The following DGLUCY variants were observed in gnomAD, a reference collection of about 807,000 sequenced individuals.
DGLUCY encodes the protein D-glutamate cyclase, also known as D-glutamate cyclase, mitochondrial.
In DGLUCY, 58 loss-of-function variants were observed where a neutral mutation model predicts 58.5. That is an observed-to-expected ratio of 0.99 (90% CI 0.80 to 1.23). The LOEUF is 1.23. Among genes scored for constraint, DGLUCY ranks in the 50% most tolerant of loss-of-function variants. The probability of loss-of-function intolerance (pLI) is 0.00; values close to 1 mark genes in which losing one functional copy is unlikely to be tolerated. For synonymous variants in DGLUCY, 325 were observed against 314.1 expected (o/e 1.03, Z -0.37); for missense variants, 779 against 784.7 (o/e 0.99, Z 0.09).
intron 4 of DGLUCY, chr14:91,167,779 TA>T: frequency 1.6e-6 from 1 of 643,660 alleles, no homozygotes; most frequent in South Asian, 1.8e-5. Context: ...AGAACCTATC[TA>T]GTAAATGGCC....
At chr14:91,189,607 T>C (rs2049740693) in intron 9 of DGLUCY, among the ~76,000 whole-genome samples, 2 of 152,200 alleles carry the variant, frequency 1.3e-5, no homozygotes, top group African/African-American at 4.8e-5. Flanking sequence ...GTGGGCGTTA[T>C]TGCTGTAGGT....
chr14:91,111,240 GTGTGTGTGTATA>G (rs1427442348), upstream of DGLUCY, among the ~76,000 whole-genome samples: 2 of 108,022 alleles, frequency 1.9e-5, no homozygotes, highest in African/African-American at 4.0e-5. Flanking sequence ...GTGTGTGTGT[GTGTGTGTGTATA>G]TATCTATATA....
In DGLUCY at chr14:91,204,733, G is replaced by A. The variant is rs1884242396; in HGVS notation, c.1472G>A (p.Gly491Glu). ...GTCGGTGATGGAGGCAACGAGCTTG[G>A]GATGGGTAAAGTCAAGGAGGCTGTG... ...TGVGDGGNELGMGKVKEAVRR... is the reference protein window; with the variant it reads ...TGVGDGGNELEMGKVKEAVRR... Residue 491 changes from glycine (G) to glutamate (E), a missense_variant, in exon 12 of 14, where the codon GGG becomes GAG. Transcript: ENST00000256324. 1.2e-6 allele frequency: 2 copies of A among 1,613,962 alleles called. No homozygotes were observed. Among genetic ancestry groups the A allele is most frequent in the Non-Finnish European group, 1.7e-6 (2 of 1,180,002 alleles).
intron 7 of DGLUCY, among the ~76,000 whole-genome samples, chr14:91,180,400 T>G (rs2049104239): frequency 6.6e-6 from 1 of 151,230 alleles, no homozygotes; most frequent in Non-Finnish European, 1.5e-5. Flanking sequence ...GGTAAAACAC[T>G]GTCTCTACTA....
intron 5 of DGLUCY, among the ~76,000 whole-genome samples, chr14:91,170,812 C>T (rs1201585944): frequency 6.6e-6 from 1 of 152,240 alleles, no homozygotes; most frequent in Admixed American, 6.5e-5. Flanking sequence ...TGAGAGTTCA[C>T]TCTGCTCCAT....
intron 1 of DGLUCY, among the ~76,000 whole-genome samples, chr14:91,087,478 G>C (rs1454060804): frequency 6.6e-6 from 1 of 152,210 alleles, no homozygotes; most frequent in African/African-American, 2.4e-5. Context: ...AGAAATCAAT[G>C]TACTTTATGT....
At chr14:91,118,641 T>C (rs2045153805) in intron 1 of DGLUCY, among the ~76,000 whole-genome samples, 1 of 152,204 alleles carries the variant, frequency 6.6e-6, no homozygotes, top group African/African-American at 2.4e-5. Context: ...ATGTTAATGC[T>C]GGTCAGTTGT....
intron 7 of DGLUCY, among the ~76,000 whole-genome samples, chr14:91,179,596 C>T (rs1215445536): frequency 6.6e-6 from 1 of 151,862 alleles, no homozygotes; most frequent in Non-Finnish European, 1.5e-5. Flanking sequence ...ACTAAAAATA[C>T]AAAAATTAGC....
chr14:91,142,256 T>C (rs2046740129), intron 1 of DGLUCY, among the ~76,000 whole-genome samples: 1 of 152,138 alleles, frequency 6.6e-6, no homozygotes, highest in South Asian at 2.1e-4. Context: ...TACCCAAGGT[T>C]TACAATCATT....
intron 1 of DGLUCY, among the ~76,000 whole-genome samples, chr14:91,151,274 C>T (rs1381142827): frequency 6.6e-6 from 1 of 152,240 alleles, no homozygotes; most frequent in Admixed American, 6.5e-5. Flanking sequence ...GAGTCTCGCT[C>T]TGTCGCCCAG....
intron 1 of DGLUCY, among the ~76,000 whole-genome samples, chr14:91,078,631 G>A (rs974442933): frequency 9.9e-5 from 15 of 152,120 alleles, no homozygotes; most frequent in African/African-American, 2.9e-4. Context: ...AGAAAATAGC[G>A]TAGTCTTGTA....
chr14:91,222,014 G>T (rs1022263775), intron 13 of DGLUCY, among the ~76,000 whole-genome samples: 10 of 152,036 alleles, frequency 6.6e-5, no homozygotes, highest in African/African-American at 2.4e-4. Flanking sequence ...AGCCACCCTG[G>T]GGCCTCTGTC....
chr14:91,154,105 C>T (rs971098745), intron 1 of DGLUCY, among the ~76,000 whole-genome samples: 1 of 152,180 alleles, frequency 6.6e-6, no homozygotes, highest in African/African-American at 2.4e-5. Context: ...AGGATTTTGC[C>T]ATGTTGGCCA....
At chr14:91,215,209 T>C (rs1034191071) in intron 12 of DGLUCY, among the ~76,000 whole-genome samples, 196 bp from the exon 13 acceptor site, 2 of 152,166 alleles carry the variant, frequency 1.3e-5, no homozygotes, top group African/African-American at 4.8e-5. Flanking sequence ...GTTCCTTTCC[T>C]CTCCTCTCCT....
At chr14:91,090,890 A>G (rs1024136568) in intron 1 of DGLUCY, among the ~76,000 whole-genome samples, 4 of 152,192 alleles carry the variant, frequency 2.6e-5, no homozygotes, top group Admixed American at 2.0e-4. Context: ...TGCATCCTGC[A>G]GGGCGAATCC....
In DGLUCY at chr14:91,187,172, G is replaced by T. The variant is rs530140554; in HGVS notation, c.935-1738G>T. Among the ~76,000 whole-genome samples, 82 of 152,126 alleles carry T rather than the reference G, an allele frequency of 5.4e-4. No individual in the cohort carries two copies. The Middle Eastern group carries it at 0.01, about 19-fold the overall frequency. ...CCACCACCATGCCTGGCTAATTTTTGTATTTTTAGTAGAGACGGGGTTTCA... is the reference window on the plus strand; with the variant it reads ...CCACCACCATGCCTGGCTAATTTTTTTATTTTTAGTAGAGACGGGGTTTCA... On this transcript the variant is annotated intron_variant, in intron 8 of 13. Transcript: ENST00000256324.
intron 13 of DGLUCY, among the ~76,000 whole-genome samples, chr14:91,219,893 G>A (rs933892191): frequency 1.3e-5 from 2 of 152,190 alleles, no homozygotes; most frequent in Non-Finnish European, 2.9e-5. Context: ...ATTTGGCAGG[G>A]TGACAGAGCT....
intron 10 of DGLUCY, among the ~76,000 whole-genome samples, chr14:91,196,792 TC>T (rs1472671087): frequency 6.7e-6 from 1 of 148,200 alleles, no homozygotes; most frequent in Non-Finnish European, 1.5e-5. Context: ...AAACTGTGGG[TC>T]ATGACATGTT....
At chr14:91,175,817 T>A (rs2048821304) in intron 6 of DGLUCY, 117 bp from the exon 7 acceptor site, 1 of 1,214,296 alleles carries the variant, frequency 8.2e-7, no homozygotes, top group Admixed American at 1.9e-5. Flanking sequence ...TCAAATACCA[T>A]TTACAATAAT....
Sources: allele counts gnomAD v4.1 joint callset (sites outside exome capture counted in the v4.1 genomes callset), GRCh38; gene constraint gnomAD v4.1.1; transcripts MANE v1.5; gene names NCBI Gene and HGNC (gene_info 2026-07-23, HGNC 2026-07-21).